Variants in ELF1 observed in about 807,000 individuals in gnomAD.
ELF1 encodes the protein E74 like ETS transcription factor 1.
Under a neutral mutation model 59.9 loss-of-function variants are expected in ELF1, and 24 were observed. That is an observed-to-expected ratio of 0.40 (90% confidence interval 0.29 to 0.56). The LOEUF is 0.56. Among genes scored for constraint, ELF1 ranks in the 20% least tolerant of loss-of-function variants. The pLI, the probability that ELF1 is intolerant of heterozygous loss-of-function variation, is 0.44. For missense variants in ELF1, 627 were observed against 742.2 expected (o/e 0.84, Z 1.80); for synonymous variants, 248 against 266.2 (o/e 0.93, Z 0.67).
At chr13:40,940,862 T>C in intron 8 of ELF1, 59 bp downstream of exon 8, 2 of 1,492,896 alleles carry the variant, frequency 1.3e-6, no homozygotes, top group African/African-American at 1.4e-5. Context: ...ACTTAACAAA[T>C]AATGTCTCTG....
Position 40,949,959 on chromosome 13 carries a change from T to C in ELF1, c.376A>G (p.Ser126Gly). The C allele has an allele frequency of 1.2e-6, 2 of 1,611,432 alleles. No homozygotes were observed. The highest frequency in any genetic ancestry group is 3.4e-5 in the Admixed American group (2 of 59,686). The part of the protein sequence containing the change: ...DEKRINNNIF[S>G]SPEDDMVVAP... The stretch of plus-strand genomic sequence containing the variant: ...ACAACCATGTCATCTTCAGGTGAAC[T>C]AAATATATTATTATCTAATGAAAAT... Residue 126 changes from serine (S) to glycine (G), a missense_variant, in exon 5 of 9, where the codon AGT becomes GGT. By Grantham distance (56) the Ser-to-Gly change is moderately conservative. Transcript: ENST00000239882.
chr13:40,956,851 T>C (rs2138189251), intron 3 of ELF1, among the ~76,000 whole-genome samples: 1 of 151,286 alleles, frequency 6.6e-6, no homozygotes, highest in Non-Finnish European at 1.5e-5. Flanking sequence ...GCCACCATAC[T>C]TGGCTAATTT....
chr13:41,025,488 C>A (rs953786196), intron 1 of ELF1, among the ~76,000 whole-genome samples: 1 of 152,214 alleles, frequency 6.6e-6, no homozygotes, highest in African/African-American at 2.4e-5. Context: ...CTTCAAGGAA[C>A]CTTGACACTC....
At chr13:40,956,542 C>G (rs1482244466) in intron 3 of ELF1, among the ~76,000 whole-genome samples, 1 of 146,058 alleles carries the variant, frequency 6.8e-6, no homozygotes, top group Admixed American at 6.8e-5. Context: ...CTGCCAAATC[C>G]CCCTCTGCGA....
chr13:41,060,224 G>A (rs1002424204), intron 1 of ELF1, among the ~76,000 whole-genome samples: 34 of 152,310 alleles, frequency 2.2e-4, no homozygotes, highest in Admixed American at 5.2e-4. Context: ...GGCACACTGT[G>A]TTCCGTGGGG....
At chr13:40,977,545 T>C (rs1257689893) in intron 2 of ELF1, among the ~76,000 whole-genome samples, 1 of 152,176 alleles carries the variant, frequency 6.6e-6, no homozygotes, top group Non-Finnish European at 1.5e-5. Flanking sequence ...ATAGTGTCAG[T>C]TTCTTTAGAC....
At position 40,941,313 on chromosome 13, in the gene ELF1, C is replaced by T. The variant is rs1473655205; in HGVS notation, c.864G>A (p.Gln288=). 3.1e-6 allele frequency: 5 copies of T among 1,613,468 alleles called. No individual in the cohort carries two copies. The African/African-American group carries it at 5.3e-5, about 17-fold the overall frequency. The part of the protein sequence containing the change: ...AKVEGQRLVY[Q]FKEMPKDLIY... Reference sequence around the variant, plus strand: ...TAAGATCTTTTGGCATTTCTTTAAACTGATACACCAAGCGCTGACCTTCCA... The same window carrying T: ...TAAGATCTTTTGGCATTTCTTTAAATTGATACACCAAGCGCTGACCTTCCA... The change falls in exon 8 of 9, where the codon CAG becomes CAA. Residue 288 remains glutamine (Q), a synonymous_variant. Transcript: ENST00000239882.
At chr13:41,059,498 C>T (rs1877415708) in intron 1 of ELF1, among the ~76,000 whole-genome samples, 1 of 152,232 alleles carries the variant, frequency 6.6e-6, no homozygotes, top group Non-Finnish European at 1.5e-5. Flanking sequence ...AACAAATTTA[C>T]TGTGCAGTTA....
chr13:40,976,485 T>G (rs976544681), intron 2 of ELF1, among the ~76,000 whole-genome samples: 2 of 152,216 alleles, frequency 1.3e-5, no homozygotes, highest in African/African-American at 4.8e-5. Flanking sequence ...TCCCAAACAC[T>G]GCATGAAAAA....
At chr13:40,946,167 C>T (rs1041151999) in intron 5 of ELF1, among the ~76,000 whole-genome samples, 19 of 152,166 alleles carry the variant, frequency 1.2e-4, no homozygotes, top group African/African-American at 4.3e-4. Flanking sequence ...CTATAAATTC[C>T]ATTTGGTTCT....
At position 40,956,060 on chromosome 13, in the gene ELF1, G is replaced by C. The variant is rs1470008543; in HGVS notation, c.253+2776C>G. On this transcript the variant is annotated intron_variant, in intron 3 of 8. Transcript: ENST00000239882. The stretch of plus-strand genomic sequence containing the variant: ...AGCCCCTCTGCCCGGCCACCACCCC[G>C]TCTGGGAGGTGTACTCAACAGCTCA... 7.4e-5 allele frequency among the ~76,000 whole-genome samples: 11 copies of C among 148,910 alleles called. No homozygotes were observed. In the South Asian group the frequency reaches 2.2e-3, roughly 30 times the overall value.
intron 1 of ELF1, among the ~76,000 whole-genome samples, chr13:41,010,113 T>C (rs1163527735): frequency 1.3e-5 from 2 of 149,356 alleles, no homozygotes; most frequent in East Asian, 3.9e-4. Flanking sequence ...CTGTTAAATA[T>C]ACATGCTTTG....
rs1410245398 is a variant in ELF1 at position 40,932,951 on chromosome 13, T to C, written c.*474A>G. The C allele has an allele frequency of 6.1e-6, 1 of 162,840 alleles. No homozygotes were observed. The highest frequency in any genetic ancestry group is 1.3e-5 in the Non-Finnish European group (1 of 74,860). The allele number at this position is 162,840 out of a possible 1,614,324, so 10.1% of individuals were successfully genotyped here. A position where few individuals can be genotyped will look rare whatever the true frequency, so the allele number is the denominator to read the frequency against. On this transcript the variant is annotated 3_prime_UTR_variant, in exon 9 of 9. Coordinates refer to ENST00000239882, the MANE Select transcript of ELF1 (RefSeq NM_172373.4). ...TTCTATATTATATAGTGCAGTCAAC[T>C]AAAGTCAATCTAAGTGACACCATAA...
chr13:40,985,474 A>G (rs1366141503), intron 1 of ELF1, among the ~76,000 whole-genome samples: 1 of 152,168 alleles, frequency 6.6e-6, no homozygotes, highest in East Asian at 1.9e-4. Context: ...TCTCTCTAAA[A>G]CTGTAATATA....
chr13:40,941,779 T>G (rs1045536786), intron 7 of ELF1, among the ~76,000 whole-genome samples: 7 of 152,094 alleles, frequency 4.6e-5, no homozygotes, highest in African/African-American at 1.4e-4. Context: ...CACGTCAGCC[T>G]CCTCAGTAGC....
chr13:41,022,746 G>C (rs1158309137), upstream of ELF1, among the ~76,000 whole-genome samples: 2 of 152,114 alleles, frequency 1.3e-5, no homozygotes, highest in African/African-American at 4.8e-5. Flanking sequence ...AGGTGTGGTG[G>C]CAGACACCTG....
chr13:40,981,044 A>C (rs1299417865), intron 2 of ELF1, among the ~76,000 whole-genome samples: 2 of 152,098 alleles, frequency 1.3e-5, no homozygotes, highest in African/African-American at 4.8e-5. Context: ...CATTAAATTC[A>C]CTCTGCCAAA....
upstream of ELF1, among the ~76,000 whole-genome samples, chr13:41,023,709 C>G (rs1371442309): frequency 6.6e-6 from 1 of 152,142 alleles, no homozygotes; most frequent in Non-Finnish European, 1.5e-5. Flanking sequence ...TTTTTACCAC[C>G]CACAAAAAGC....
At chr13:40,935,267 GT>G (rs892415932) in intron 8 of ELF1, among the ~76,000 whole-genome samples, 1 of 152,126 alleles carries the variant, frequency 6.6e-6, no homozygotes, top group Admixed American at 6.5e-5. Flanking sequence ...GATGTCAACT[GT>G]TTCCTTTGAA....
Sources: allele counts gnomAD v4.1 joint callset (sites outside exome capture counted in the v4.1 genomes callset), GRCh38; gene constraint gnomAD v4.1.1; transcripts MANE v1.5; gene names NCBI Gene and HGNC (gene_info 2026-07-23, HGNC 2026-07-21).